The following RBM43 variants were observed in gnomAD, a reference collection of about 807,000 sequenced individuals.
The protein encoded by RBM43 is RNA binding motif protein 43.
RBM43 carries 12 observed loss-of-function variants against 12.4 expected under a neutral mutation model. The observed-to-expected ratio is 0.97, with a 90% confidence interval of 0.62 to 1.57. The LOEUF (loss-of-function observed/expected upper bound fraction) is 1.57, where lower values mean the gene tolerates loss of function less well. Among genes scored for constraint, RBM43 ranks in the 40% most tolerant of loss-of-function variants. The probability of loss-of-function intolerance (pLI) is 0.00; values close to 1 mark genes in which losing one functional copy is unlikely to be tolerated. For missense variants in RBM43, 348 were observed against 400.1 expected (o/e 0.87, Z 1.11); for synonymous variants, 138 against 145.7 (o/e 0.95, Z 0.38).
Position 151,251,530 on chromosome 2 carries a change from G to C in RBM43, c.450C>G (p.Ile150Met). The C allele has an allele frequency of 9.3e-6, 15 of 1,614,168 alleles. No individual in the cohort carries two copies. The highest frequency in any genetic ancestry group is 1.2e-5 in the Non-Finnish European group (14 of 1,180,018). The change falls in exon 4 of 4, where the codon ATC (isoleucine) becomes ATG (methionine). Residue 150 changes from isoleucine to methionine, a missense_variant. Transcript: ENST00000331426. ...CAGCCAGAAATGATCCTTCCACGGA[G>C]ATTCTTCCATTGGGTTTCAAAGGAC... ...SFSPLKPNGRISVEGSFLAVK... is the reference protein window; with the variant it reads ...SFSPLKPNGRMSVEGSFLAVK...
rs1201380574 is a variant in RBM43 at position 151,257,434 on chromosome 2, G to A, written c.4-1691C>T. 1.3e-5 allele frequency among the ~76,000 whole-genome samples: 2 copies of A among 152,214 alleles called. 1 individual carries two copies. Among genetic ancestry groups the A allele is most frequent in the South Asian group, 4.1e-4 (2 of 4,830 alleles). On this transcript the variant is annotated intron_variant, in intron 1 of 3. Transcript: ENST00000331426. ...AGGCCAGGCACGGTGGCTCACACCTGTAATCCTAGCACTTTGGGAGGCCGA... is the reference window on the plus strand; with the variant it reads ...AGGCCAGGCACGGTGGCTCACACCTATAATCCTAGCACTTTGGGAGGCCGA...
chr2:151,251,200 A>T lies in RBM43; in HGVS notation c.780T>A (p.Cys260Ter), dbSNP rs1463419901. The T allele has an allele frequency of 3.7e-6, 6 of 1,613,936 alleles. No individual in the cohort carries two copies. The highest frequency in any genetic ancestry group is 5.1e-6 in the Non-Finnish European group (6 of 1,180,016). The stretch of plus-strand genomic sequence containing the variant: ...GAGAACCAACTTGAATGCTTTTTAG[A>T]CAAATTGTGGTGATTTCACCATCCA... The part of the protein sequence containing the change: ...EKVDGEITTI[C>*]LKSIQVGSQP... The change falls in exon 4 of 4, where the codon TGT (cysteine) becomes TGA (stop). Residue 260 changes from cysteine (C) to a stop codon, truncating the protein, a stop_gained. Coordinates refer to ENST00000331426, the MANE Select transcript of RBM43 (RefSeq NM_198557.3). LOFTEE classifies it low-confidence loss of function (END_TRUNC).
chr2:151,255,122 A>C (rs535006642), intron 2 of RBM43, among the ~76,000 whole-genome samples: 1 of 152,008 alleles, frequency 6.6e-6, no homozygotes, highest in East Asian at 1.9e-4. Context: ...ATTTTTTTTT[A>C]AAGTTACTTT....
chr2:151,257,187 T>C (rs1682985755), intron 1 of RBM43, among the ~76,000 whole-genome samples: 1 of 152,196 alleles, frequency 6.6e-6, no homozygotes, highest in African/African-American at 2.4e-5. Flanking sequence ...CAGCGATGGT[T>C]AGCAGACCTG....
At chr2:151,257,395 C>T (rs1682989345) in intron 1 of RBM43, among the ~76,000 whole-genome samples, 1 of 152,078 alleles carries the variant, frequency 6.6e-6, no homozygotes, top group South Asian at 2.1e-4. Flanking sequence ...GAAAGTAAAA[C>T]AATTTTAAAA....
rs753958041 is a variant in RBM43 at position 151,252,769 on chromosome 2, G to A, written c.301C>T (p.His101Tyr). The change falls in exon 3 of 4, where the codon CAT becomes TAT. Residue 101 changes from histidine (H) to tyrosine (Y), a missense_variant. Physicochemically the swap from His to Tyr is moderately conservative, Grantham distance 83. Coordinates refer to ENST00000331426, the MANE Select transcript of RBM43 (RefSeq NM_198557.3). ...AELTVSLRVS[H>Y]FGDKIFSSVN... ...TCACACCTTACCTTGTCACCAAAAT[G>A]AGAGACTCTGAGAGAGACTGTGAGT... 2 of 1,584,040 alleles carry A rather than the reference G, an allele frequency of 1.3e-6. No homozygotes were observed. The highest frequency in any genetic ancestry group is 1.3e-5 in the African/African-American group (1 of 74,424).
Position 151,250,787 on chromosome 2 carries a change from C to A in RBM43, c.*119G>T. 1.4e-6 allele frequency: 1 copy of A among 729,062 alleles called. No homozygotes were observed. Among genetic ancestry groups the A allele is most frequent in the Non-Finnish European group, 2.3e-6 (1 of 443,586 alleles). 45.2% of individuals were successfully genotyped at this position (729,062 alleles called of 1,614,324 possible). A position where few individuals can be genotyped will look rare whatever the true frequency, so the allele number is the denominator to read the frequency against. On this transcript the variant is annotated 3_prime_UTR_variant, in exon 4 of 4. Transcript: ENST00000331426. ...GTAACATGAGGATAGTCAACACTGA[C>A]AAAGAAGGATGACTATAAGGATTCA...
In RBM43 at chr2:151,251,080, T is replaced by A. The variant is rs1469397264; in HGVS notation, c.900A>T (p.Gly300=). 6.8e-6 allele frequency: 11 copies of A among 1,613,820 alleles called. No homozygotes were observed. The highest frequency in any genetic ancestry group is 9.3e-6 in the Non-Finnish European group (11 of 1,179,950). The change falls in exon 4 of 4, where the codon GGA becomes GGT. Residue 300 remains glycine, a synonymous_variant. Coordinates refer to ENST00000331426, the MANE Select transcript of RBM43 (RefSeq NM_198557.3). ...KLRKETFILE[G]KENREKRMIK... is the part of the protein sequence containing the mutation. The stretch of plus-strand genomic sequence containing the variant: ...TCATTCTTTTCTCTCTATTTTCCTT[T>A]CCTTCCAAAATAAATGTCTCTTTTC...
In RBM43 at chr2:151,248,720, T is replaced by C. The variant is rs1047151970; in HGVS notation, c.*2186A>G. The C allele has an allele frequency of 6.6e-6, 1 of 152,214 alleles. No individual in the cohort carries two copies. Among genetic ancestry groups the C allele is most frequent in the African/African-American group, 2.4e-5 (1 of 41,454 alleles). The allele number at this position is 152,214 out of a possible 1,614,324, so 9.4% of individuals were successfully genotyped here. ...TTACTAGCTGGAGTTCCAGAAAATA[T>C]TCTGGCATGCCTTTGAACTTTGAGA... is the stretch of plus-strand genomic sequence containing the variant. On this transcript the variant is annotated 3_prime_UTR_variant, in exon 4 of 4. Coordinates refer to ENST00000331426, the MANE Select transcript of RBM43 (RefSeq NM_198557.3).
At chr2:151,255,287 C>T (rs753202756) in intron 2 of RBM43, among the ~76,000 whole-genome samples, 3 of 151,776 alleles carry the variant, frequency 2.0e-5, no homozygotes, top group African/African-American at 2.4e-5. Context: ...TGATGGCAGG[C>T]GCCTCCTGTA....
intron 1 of RBM43, among the ~76,000 whole-genome samples, chr2:151,257,160 G>A (rs920997461): frequency 3.9e-5 from 6 of 152,210 alleles, no homozygotes; most frequent in African/African-American, 1.2e-4. Context: ...GGGTTGGACA[G>A]GACAGCTCAT....
rs1242314691 is a variant in RBM43, at chr2:151,249,377, T to A, written c.*1529A>T. ...AGAATGTTACTTGTGGTCTTTCTTT[T>A]TTTTTTTTTTTTTTTTTTGAGACGG... On this transcript the variant is annotated 3_prime_UTR_variant, in exon 4 of 4. Coordinates refer to ENST00000331426, the MANE Select transcript of RBM43 (RefSeq NM_198557.3). The A allele has an allele frequency of 6.7e-5, 1 of 14,888 alleles. No individual in the cohort carries two copies. The allele number at this position is 14,888 out of a possible 1,614,324, so 0.9% of individuals were successfully genotyped here.
chr2:151,248,162 A>G lies in RBM43; in HGVS notation c.*2744T>C, dbSNP rs1335856257. The G allele has an allele frequency of 6.6e-6, 1 of 152,198 alleles. No individual in the cohort carries two copies. The highest frequency in any genetic ancestry group is 2.4e-5 in the African/African-American group (1 of 41,462). The allele number at this position is 152,198 out of a possible 1,614,324, so 9.4% of individuals were successfully genotyped here. The stretch of plus-strand genomic sequence containing the variant: ...CAGTGCACTAAATTGAACAAAAAAT[A>G]GTTAACTGTGAAAGTGTGCTGAATT... On this transcript the variant is annotated 3_prime_UTR_variant, in exon 4 of 4. Coordinates refer to ENST00000331426, the MANE Select transcript of RBM43 (RefSeq NM_198557.3).
Position 151,251,264 on chromosome 2 carries a change from C to T in RBM43, c.716G>A (p.Ser239Asn), listed in dbSNP as rs896357592. The T allele has an allele frequency of 6.2e-7, 1 of 1,613,694 alleles. No homozygotes were observed. Among genetic ancestry groups the T allele is most frequent in the Admixed American group, 1.7e-5 (1 of 59,978 alleles). The part of the protein sequence containing the change: ...YLKHKCGSYE[S>N]TLKKFHILSQ... ...CAGAATGTGGAATTTTTTCAGTGTG[C>T]TTTCATAAGATCCACACTTGTGTTT... The change falls in exon 4 of 4, where the codon AGC becomes AAC. Residue 239 changes from serine (S) to asparagine (N), a missense_variant. By Grantham distance (46) the Ser-to-Asn change is conservative. Coordinates refer to ENST00000331426, the MANE Select transcript of RBM43 (RefSeq NM_198557.3).
rs745651565 is a variant in RBM43 at position 151,251,402 on chromosome 2, T to C, written c.578A>G (p.Gln193Arg). The C allele has an allele frequency of 1.9e-6, 3 of 1,614,124 alleles. No homozygotes were observed. The highest frequency in any genetic ancestry group is 2.5e-6 in the Non-Finnish European group (3 of 1,180,054). ...GTTATTACTTCTCTGTAGATTCCTC[T>C]GGGGATTTTGTCTATTCCACTTTCT... is the stretch of plus-strand genomic sequence containing the variant. The part of the protein sequence containing the change: ...EERKWNRQNP[Q>R]RNLQRSNNSL... The change falls in exon 4 of 4, where the codon CAG becomes CGG. Residue 193 changes from glutamine to arginine, a missense_variant. Transcript: ENST00000331426.
rs772227000 is a variant in RBM43 at position 151,250,957 on chromosome 2, A to G, written c.1023T>C (p.Thr341=). The change falls in exon 4 of 4, where the codon ACT becomes ACC. Residue 341 remains threonine, a synonymous_variant. Transcript: ENST00000331426. ...HIDIIGSSSD[T]YLFKKGVMKL... ...TCATGACCCCTTTTTTAAACAGGTA[A>G]GTGTCAGAAGAAGATCCTATAATGT... is the stretch of plus-strand genomic sequence containing the variant. The G allele has an allele frequency of 3.0e-5, 49 of 1,607,720 alleles. 2 individuals carry two copies. The Admixed American group carries it at 4.9e-4, about 16-fold the overall frequency.
At chr2:151,261,672 C>A (rs1683048937) in intron 1 of RBM43, 53 bp downstream of exon 1, 1 of 1,576,788 alleles carries the variant, frequency 6.3e-7, no homozygotes, top group Non-Finnish European at 8.6e-7. Flanking sequence ...GGGACCATGG[C>A]GACGGTACAG....
chr2:151,260,011 A>G (rs1573735909), intron 1 of RBM43, among the ~76,000 whole-genome samples: 1 of 151,730 alleles, frequency 6.6e-6, no homozygotes, highest in African/African-American at 2.4e-5. Flanking sequence ...GACTACAGGC[A>G]TCAGCCACCA....
rs750436642 is a variant in RBM43, at chr2:151,248,755, G to A, written c.*2151C>T. On this transcript the variant is annotated 3_prime_UTR_variant, in exon 4 of 4. Transcript: ENST00000331426. ...CCTTTGAACTTTGAGAGCTCATTTC[G>A]TGGGTGCTCTGATTTAATGTCAACT... The A allele has an allele frequency of 3.3e-5, 5 of 152,100 alleles. No homozygotes were observed. The highest frequency in any genetic ancestry group is 2.1e-4 in the South Asian group (1 of 4,830). The allele number at this position is 152,100 out of a possible 1,614,324, so 9.4% of individuals were successfully genotyped here. A position where few individuals can be genotyped will look rare whatever the true frequency, so the allele number is the denominator to read the frequency against.
Sources: gnomAD v4.1 joint callset for allele counts (sites outside exome capture counted in the v4.1 genomes callset) on GRCh38, gnomAD v4.1.1 for gene constraint, MANE v1.5 for transcripts, NCBI Gene and HGNC (gene_info 2026-07-23, HGNC 2026-07-21) for gene names.